PRKCE: variants seen among roughly 807,000 people sequenced by gnomAD.
PRKCE encodes protein kinase C epsilon.
PRKCE carries 16 observed loss-of-function variants against 85.4 expected under a neutral mutation model. The observed-to-expected ratio is 0.19, with a 90% CI of 0.13 to 0.28. PRKCE has a LOEUF of 0.28. Among genes scored for constraint, PRKCE ranks in the 10% least tolerant of loss-of-function variants. The pLI is 1.00. For missense variants in PRKCE, 573 were observed against 975.2 expected, an observed-to-expected ratio of 0.59 and a Z score of 5.49; for synonymous variants, 388 against 371.5, an observed-to-expected ratio of 1.04 and a Z score of -0.51.
At chr2:45,883,155 A>G (rs1195261210) in intron 2 of PRKCE, among the ~76,000 whole-genome samples, 1 of 152,200 alleles carries the variant, frequency 6.6e-6, no homozygotes, top group Non-Finnish European at 1.5e-5. Context: ...CTGTATATTC[A>G]TTCTGTGTGT....
chr2:46,016,094 G>C (rs1461462329), intron 10 of PRKCE, among the ~76,000 whole-genome samples: 1 of 152,152 alleles, frequency 6.6e-6, no homozygotes, highest in African/African-American at 2.4e-5. Context: ...AATAGAATCA[G>C]ACTCCAGGGA....
chr2:45,731,017 G>A (rs745505037), intron 1 of PRKCE, among the ~76,000 whole-genome samples: 8 of 152,154 alleles, frequency 5.3e-5, no homozygotes, highest in Admixed American at 1.3e-4. Flanking sequence ...TGAAAATTTT[G>A]AAGTGAAGGA....
At chr2:45,959,909 T>C (rs534279711) in intron 2 of PRKCE, among the ~76,000 whole-genome samples, 88 of 152,270 alleles carry the variant, frequency 5.8e-4, no homozygotes, top group Middle Eastern at 3.4e-3. Context: ...CCGGGTTTTA[T>C]TTGTTTGTTT....
chr2:45,929,670 T>G (rs1196302754), intron 2 of PRKCE, among the ~76,000 whole-genome samples: 1 of 152,178 alleles, frequency 6.6e-6, no homozygotes, highest in Non-Finnish European at 1.5e-5. Context: ...TTGGGAATTT[T>G]TGTAAGCATT....
rs951409215 is a variant in PRKCE, at chr2:45,911,612, C to G, written c.413-64817C>G. ...TGGGCTGATTGTATGACTCCTCAGT[C>G]TCTGTCAGTCCATTTTCTATGACTT... On this transcript the variant is annotated intron_variant, in intron 2 of 14. Coordinates refer to ENST00000306156, the MANE Select transcript of PRKCE (RefSeq NM_005400.3). Among the ~76,000 whole-genome samples, 2 of 152,178 alleles carry G rather than the reference C, an allele frequency of 1.3e-5. 1 individual carries two copies. The highest frequency in any genetic ancestry group is 1.3e-4 in the Admixed American group (2 of 15,276).
chr2:46,178,990 C>A (rs1679704104), intron 14 of PRKCE, among the ~76,000 whole-genome samples: 1 of 152,072 alleles, frequency 6.6e-6, no homozygotes, highest in Non-Finnish European at 1.5e-5. Flanking sequence ...ATTTAGGAGA[C>A]CACGTAGAGA....
intron 2 of PRKCE, among the ~76,000 whole-genome samples, chr2:45,884,200 G>A (rs1172234860): frequency 2.0e-5 from 3 of 152,220 alleles, no homozygotes; most frequent in African/African-American, 7.2e-5. Flanking sequence ...CAGGAGGTGG[G>A]GTGAGAGGGT....
intron 11 of PRKCE, among the ~76,000 whole-genome samples, chr2:46,137,596 C>CAA (rs755179864): frequency 2.6e-5 from 2 of 77,824 alleles, no homozygotes; most frequent in Non-Finnish European, 2.7e-5. Flanking sequence ...ACTAAAATTA[C>CAA]AAAAAAAAAA....
intron 1 of PRKCE, among the ~76,000 whole-genome samples, chr2:45,680,281 C>A (rs187084423): frequency 1.3e-5 from 2 of 152,326 alleles, no homozygotes; most frequent in East Asian, 3.9e-4. Flanking sequence ...AAGACTGGTT[C>A]TTGCCAAGTT....
At chr2:45,752,627 T>C (rs963788828) in intron 1 of PRKCE, among the ~76,000 whole-genome samples, 2 of 152,198 alleles carry the variant, frequency 1.3e-5, no homozygotes, top group Non-Finnish European at 2.9e-5. Context: ...GAACATTCTG[T>C]GATTTCATGA....
chr2:45,789,494 A>G (rs1686869267), intron 1 of PRKCE, among the ~76,000 whole-genome samples: 1 of 152,196 alleles, frequency 6.6e-6, no homozygotes, highest in African/African-American at 2.4e-5. Context: ...CCAGTGGAGC[A>G]TAGCTCCTGC....
chr2:45,672,721 G>A (rs956165857), intron 1 of PRKCE, among the ~76,000 whole-genome samples: 14 of 152,240 alleles, frequency 9.2e-5, no homozygotes, highest in Admixed American at 8.5e-4. Flanking sequence ...CATGTCAAGA[G>A]GATGGTAAAA....
chr2:46,000,457 TA>T (rs58175194), intron 6 of PRKCE, among the ~76,000 whole-genome samples: 35,899 of 148,616 alleles, frequency 0.24, 4,501 homozygotes, highest in Admixed American at 0.36. Flanking sequence ...CAATCTCTGA[TA>T]AAAAAAAAAA....
intron 1 of PRKCE, among the ~76,000 whole-genome samples, chr2:45,670,002 C>T (rs1171290524): frequency 6.6e-6 from 1 of 152,114 alleles, no homozygotes; most frequent in Non-Finnish European, 1.5e-5. Context: ...CAGAGTGAGA[C>T]TCAGTCTCAA....
chr2:45,663,644 G>A (rs1344236928), intron 1 of PRKCE, among the ~76,000 whole-genome samples: 3 of 152,164 alleles, frequency 2.0e-5, no homozygotes, highest in Non-Finnish European at 2.9e-5. Context: ...TTAGCCAGGC[G>A]TGGTGGCAGG....
At position 45,905,135 on chromosome 2, in the gene PRKCE, T is replaced by A. The variant is rs1287988736; in HGVS notation, c.412+62072T>A. ...GCTCCTTGTTAATTCAGAGTAATGC[T>A]GGGGCAGGCCGTAGTCCAGGCCATC... is the stretch of plus-strand genomic sequence containing the variant. On this transcript the variant is annotated intron_variant, in intron 2 of 14. Transcript: ENST00000306156. The surrounding 1 kb of genome is among the most constrained non-coding windows in gnomAD (Gnocchi z 4.4). Among the ~76,000 whole-genome samples, 1 of 152,216 alleles carries A rather than the reference T, an allele frequency of 6.6e-6. No individual in the cohort carries two copies. The highest frequency in any genetic ancestry group is 1.5e-5 in the Non-Finnish European group (1 of 68,032).
intron 6 of PRKCE, among the ~76,000 whole-genome samples, chr2:45,999,817 C>T (rs1038323740): frequency 6.6e-6 from 1 of 151,952 alleles, no homozygotes; most frequent in Non-Finnish European, 1.5e-5. Context: ...TTTATTTTTT[C>T]ATTTTTGAAG....
At chr2:45,841,582 C>T (rs1394412998) in intron 1 of PRKCE, among the ~76,000 whole-genome samples, 1 of 152,238 alleles carries the variant, frequency 6.6e-6, no homozygotes, top group Non-Finnish European at 1.5e-5. Flanking sequence ...ATCTGCCTCT[C>T]CCAGTCCACT....
chr2:45,658,814 G>C (rs1372175323), intron 1 of PRKCE, among the ~76,000 whole-genome samples: 1 of 152,168 alleles, frequency 6.6e-6, no homozygotes, highest in Non-Finnish European at 1.5e-5. Context: ...TATATGAAAA[G>C]TCTTACATAC....
Sources: allele counts gnomAD v4.1 joint callset (sites outside exome capture counted in the v4.1 genomes callset), GRCh38; gene constraint gnomAD v4.1.1; non-coding constraint Gnocchi (gnomAD v3.1); transcripts MANE v1.5; gene names NCBI Gene and HGNC (gene_info 2026-07-23, HGNC 2026-07-21).